ADAM22: variants seen among roughly 807,000 people sequenced by gnomAD.
ADAM22 encodes disintegrin and metalloproteinase domain-containing protein 22.
In ADAM22, 65 loss-of-function variants were observed where a neutral mutation model predicts 144.6. The ratio of observed to expected loss-of-function variants is 0.45; its 90% CI spans 0.37 to 0.55. ADAM22 has a LOEUF of 0.55. Among genes scored for constraint, ADAM22 ranks in the 20% least tolerant of loss-of-function variants. ADAM22 has a pLI of 0.00. For missense variants in ADAM22, 974 were observed against 1,184.9 expected, an observed-to-expected ratio of 0.82 and a Z score of 2.61; for synonymous variants, 391 against 412.6, an observed-to-expected ratio of 0.95 and a Z score of 0.63.
At chr7:88,104,481 A>G (rs1323684616) in intron 4 of ADAM22, among the ~76,000 whole-genome samples, 2 of 151,836 alleles carry the variant, frequency 1.3e-5, no homozygotes, top group Non-Finnish European at 2.9e-5. Context: ...GAATTTTTGC[A>G]CCACATGTGT....
rs537083142 is a variant in ADAM22, at chr7:88,069,948, G to C, written c.324-5678G>C. 9.2e-5 allele frequency among the ~76,000 whole-genome samples: 14 copies of C among 152,262 alleles called. No individual in the cohort carries two copies. In the South Asian group the frequency reaches 2.9e-3, roughly 32 times the overall value. ...ATTAAGGCTCTGCTTTGCTTCCTGG[G>C]AGCAGTCCTTTTGTGGTTCTTGGGT... On this transcript the variant is annotated intron_variant, in intron 3 of 31. Transcript: ENST00000413139.
At chr7:88,176,568 C>G (rs539370862) in intron 26 of ADAM22, among the ~76,000 whole-genome samples, 1 of 152,226 alleles carries the variant, frequency 6.6e-6, no homozygotes, top group East Asian at 1.9e-4. Flanking sequence ...CAGTTAAAAA[C>G]ACAAAACAAA....
rs1001605554 is a variant in ADAM22, at chr7:88,198,738, G to A, written c.*2247G>A. Reference sequence around the variant, plus strand: ...AGAAGTTAACAGATCTCTATCATTCGTCTGTGTGTCTTTCTTCCCTCACCT... The same window carrying A: ...AGAAGTTAACAGATCTCTATCATTCATCTGTGTGTCTTTCTTCCCTCACCT... On this transcript the variant is annotated 3_prime_UTR_variant, in exon 32 of 32. Transcript: ENST00000413139. 3.3e-5 allele frequency: 5 copies of A among 152,206 alleles called. No homozygotes were observed. Among genetic ancestry groups the A allele is most frequent in the East Asian group, 3.9e-4 (2 of 5,190 alleles). The allele number at this position is 152,206 out of a possible 1,614,324, so 9.4% of individuals were successfully genotyped here.
At position 87,985,220 on chromosome 7, in the gene ADAM22, A is replaced by G. The variant is rs1429141041; in HGVS notation, c.323+6808A>G. Among the ~76,000 whole-genome samples the G allele has an allele frequency of 5.3e-5, 8 of 151,812 alleles. No individual in the cohort carries two copies. In the East Asian group the frequency reaches 1.6e-3, roughly 30 times the overall value. ...CCCGGTTACTCGGGAGGCTGAGGCA[A>G]GAGAATGGCGTGAACCCAGGAGGCA... On this transcript the variant is annotated intron_variant, in intron 3 of 31. Transcript: ENST00000413139.
intron 3 of ADAM22, among the ~76,000 whole-genome samples, chr7:88,037,411 G>C (rs1801778525): frequency 6.6e-6 from 1 of 151,814 alleles, no homozygotes; most frequent in Non-Finnish European, 1.5e-5. Context: ...TCACATGATA[G>C]AGAAAAAAAT....
intron 13 of ADAM22, among the ~76,000 whole-genome samples, chr7:88,135,699 G>A (rs888926568): frequency 1.1e-4 from 17 of 152,052 alleles, no homozygotes; most frequent in Non-Finnish European, 1.8e-4. Flanking sequence ...GTATTTGATT[G>A]TCTTTCATTT....
chr7:87,954,586 C>T (rs1846156214), intron 2 of ADAM22, among the ~76,000 whole-genome samples: 1 of 152,180 alleles, frequency 6.6e-6, no homozygotes, highest in Non-Finnish European at 1.5e-5. Flanking sequence ...TTTTTTCCTT[C>T]ATTTCAACTT....
At chr7:87,995,253 A>G (rs1433839669) in intron 3 of ADAM22, among the ~76,000 whole-genome samples, 1 of 152,136 alleles carries the variant, frequency 6.6e-6, no homozygotes, top group African/African-American at 2.4e-5. Flanking sequence ...TTTCATGAAC[A>G]CCGTTGATTG....
In ADAM22 at chr7:87,959,804, A is replaced by G. The variant is rs375224262; in HGVS notation, c.247-18532A>G. On this transcript the variant is annotated intron_variant, in intron 2 of 31. Coordinates refer to ENST00000413139, the MANE Select transcript of ADAM22 (RefSeq NM_001324418.2). ...TTTGAAATATATGTATGGCAACAAT[A>G]CTGATTTTTAATATAGTTTTTAAAA... Among the ~76,000 whole-genome samples, 137 of 152,354 alleles carry G rather than the reference A, an allele frequency of 9.0e-4. 1 individual carries two copies. The South Asian group carries it at 0.028, about 31-fold the overall frequency.
intron 4 of ADAM22, among the ~76,000 whole-genome samples, chr7:88,078,349 A>G (rs529932201): frequency 3.3e-5 from 5 of 152,376 alleles, no homozygotes; most frequent in Non-Finnish European, 2.9e-5. Flanking sequence ...CCATCTGTAC[A>G]TCACCATCAT....
intron 3 of ADAM22, among the ~76,000 whole-genome samples, chr7:88,055,305 CA>C (rs1331259675): frequency 2.6e-5 from 4 of 151,608 alleles, no homozygotes; most frequent in Non-Finnish European, 5.9e-5. Flanking sequence ...ACCAAGGTGA[CA>C]GGGTTTCTTG....
intron 4 of ADAM22, among the ~76,000 whole-genome samples, chr7:88,082,930 C>T (rs1217357866): frequency 4.6e-5 from 7 of 152,244 alleles, no homozygotes; most frequent in East Asian, 1.9e-4. Context: ...GTCAGTGTGG[C>T]GATTCCTCAG....
intron 3 of ADAM22, among the ~76,000 whole-genome samples, chr7:88,023,000 AC>A (rs2129467265): frequency 6.6e-6 from 1 of 152,306 alleles, no homozygotes; most frequent in Admixed American, 6.5e-5. Context: ...TCGATTCATT[AC>A]TTTTACTTAT....
At chr7:87,956,316 C>A (rs376060278) in intron 2 of ADAM22, among the ~76,000 whole-genome samples, 1 of 152,262 alleles carries the variant, frequency 6.6e-6, no homozygotes, top group East Asian at 1.9e-4. Context: ...AAAGTGAGGA[C>A]TTGTGGTGGA....
At chr7:87,935,997 A>G (rs1841161341) in intron 2 of ADAM22, among the ~76,000 whole-genome samples, 1 of 152,214 alleles carries the variant, frequency 6.6e-6, no homozygotes, top group South Asian at 2.1e-4. Context: ...CTGTAAGTCC[A>G]TATTAAGATA....
At chr7:88,184,721 C>T (rs1474846330) in intron 29 of ADAM22, among the ~76,000 whole-genome samples, 5 of 152,050 alleles carry the variant, frequency 3.3e-5, no homozygotes, top group Admixed American at 6.5e-5. Flanking sequence ...AGGAAGCTCA[C>T]CATGAAGACA....
rs1278718065 is a variant in ADAM22, at chr7:88,113,695, AATAAATAAATAT to A, written c.474-885_474-874del. Among the ~76,000 whole-genome samples, 24 of 52,242 alleles carry A rather than the reference AATAAATAAATAT, an allele frequency of 4.6e-4. 1 individual carries two copies. Among genetic ancestry groups the A allele is most frequent in the African/African-American group, 2.1e-3 (23 of 11,146 alleles). 34.3% of individuals were successfully genotyped at this position (52,242 alleles called of 152,430 possible). ...ATATATAATATATATATTATAAATAAATAAATAAATATATATATATATATATATATATATATA... is the reference window on the plus strand; with the variant it reads ...ATATATAATATATATATTATAAATAAATATATATATATATATATATATATA... On this transcript the variant is annotated intron_variant, in intron 5 of 31. Transcript: ENST00000413139.
chr7:88,188,049 A>G (rs1327981568), intron 30 of ADAM22, among the ~76,000 whole-genome samples: 2 of 152,022 alleles, frequency 1.3e-5, no homozygotes, highest in East Asian at 3.9e-4. Flanking sequence ...TCAGGAAGAC[A>G]GGTAAGATGA....
At chr7:88,193,509 A>G (rs546053911) in intron 31 of ADAM22, among the ~76,000 whole-genome samples, 69 of 152,330 alleles carry the variant, frequency 4.5e-4, no homozygotes, top group African/African-American at 1.5e-3. Flanking sequence ...CCTACAGTAA[A>G]CAAAACAGTG....
Sources: allele counts gnomAD v4.1 joint callset (sites outside exome capture counted in the v4.1 genomes callset), GRCh38; gene constraint gnomAD v4.1.1; transcripts MANE v1.5; gene names NCBI Gene and HGNC (gene_info 2026-07-23, HGNC 2026-07-21).